The following ASTN2 variants were observed in gnomAD, a reference collection of about 807,000 sequenced individuals.
ASTN2 encodes astrotactin-2.
A neutral mutation model predicts 139.8 loss-of-function variants in ASTN2; 54 were observed. The ratio of observed to expected loss-of-function variants is 0.39; its 90% CI spans 0.31 to 0.48. ASTN2 has a LOEUF of 0.48. Ranked by LOEUF, ASTN2 falls within the 20% of genes least tolerant of loss-of-function variation. ASTN2 has a pLI of 0.95. For synonymous variants in ASTN2, 756 were observed against 719.5 expected (o/e 1.05, Z -0.81); for missense variants, 1,565 against 1,725.1 (o/e 0.91, Z 1.64).
chr9:117,094,852 C>T (rs1428978584), intron 5 of ASTN2, among the ~76,000 whole-genome samples: 1 of 152,182 alleles, frequency 6.6e-6, no homozygotes, highest in Admixed American at 6.5e-5. Flanking sequence ...TCCACAACCC[C>T]ATGAGGCAGT....
intron 2 of ASTN2, among the ~76,000 whole-genome samples, chr9:117,223,691 C>A (rs1832605341): frequency 1.3e-5 from 2 of 152,046 alleles, no homozygotes; most frequent in South Asian, 4.2e-4. Context: ...GAAAAAGGCA[C>A]AACAAATAAG....
chr9:116,548,050 G>A (rs1852177733), intron 19 of ASTN2, among the ~76,000 whole-genome samples: 1 of 152,116 alleles, frequency 6.6e-6, no homozygotes, highest in South Asian at 2.1e-4. Context: ...GCGTCCTCAG[G>A]TGCTCTCCTC....
At chr9:116,734,721 TATCTCA>T (rs1476636725) in intron 13 of ASTN2, among the ~76,000 whole-genome samples, 5 of 152,206 alleles carry the variant, frequency 3.3e-5, no homozygotes, top group African/African-American at 1.2e-4. Context: ...TTGAAGCCTG[TATCTCA>T]GACAGTTCAA....
chr9:117,010,772 T>C (rs1837505926), intron 6 of ASTN2, among the ~76,000 whole-genome samples: 1 of 152,170 alleles, frequency 6.6e-6, no homozygotes. Context: ...GAGGTCAAAC[T>C]GACATACAGC....
At chr9:116,602,364 T>G (rs761574822) in intron 19 of ASTN2, among the ~76,000 whole-genome samples, 1 of 152,160 alleles carries the variant, frequency 6.6e-6, no homozygotes, top group Non-Finnish European at 1.5e-5. Context: ...TATAAGCATA[T>G]AAATGATGTA....
rs991275194 is a variant in ASTN2, at chr9:116,754,615, G to A, written c.2397-21092C>T. Among the ~76,000 whole-genome samples the A allele has an allele frequency of 5.3e-5, 8 of 152,276 alleles. No individual in the cohort carries two copies. The South Asian group carries it at 6.2e-4, about 12-fold the overall frequency. On this transcript the variant is annotated intron_variant, in intron 13 of 22. Coordinates refer to ENST00000313400, the MANE Select transcript of ASTN2 (RefSeq NM_001365068.1). ...CCTTGGGTATTACACTGGCAGAGTT[G>A]AGTAGTTGTGGGAGAGCCCACGTGT...
chr9:116,686,991 G>C, intron 16 of ASTN2: 1 of 1,426,538 alleles, frequency 7.0e-7, no homozygotes, highest in Admixed American at 2.7e-5. Context: ...GACTACCCTG[G>C]AGGCTACCGT....
At chr9:117,037,181 C>A (rs1838408494) in intron 6 of ASTN2, among the ~76,000 whole-genome samples, 1 of 152,022 alleles carries the variant, frequency 6.6e-6, no homozygotes, top group Non-Finnish European at 1.5e-5. Flanking sequence ...AGATTCCAGT[C>A]TAGAGGCAGA....
chr9:116,694,081 C>T (rs1325099954), intron 16 of ASTN2, among the ~76,000 whole-genome samples: 1 of 152,134 alleles, frequency 6.6e-6, no homozygotes, highest in Non-Finnish European at 1.5e-5. Flanking sequence ...GGCAGGAATT[C>T]TTGACATCCT....
chr9:116,872,732 A>G (rs1833198441), intron 10 of ASTN2, among the ~76,000 whole-genome samples: 1 of 152,168 alleles, frequency 6.6e-6, no homozygotes, highest in Non-Finnish European at 1.5e-5. Flanking sequence ...GAAATTAGGT[A>G]AAGGGGGATA....
intron 19 of ASTN2, among the ~76,000 whole-genome samples, chr9:116,503,602 C>G (rs1849981658): frequency 6.6e-6 from 1 of 152,148 alleles, no homozygotes; most frequent in Admixed American, 6.6e-5. Flanking sequence ...TTACAAGCTT[C>G]TAATTCATAC....
At chr9:117,164,375 G>C (rs1316490085) in intron 3 of ASTN2, among the ~76,000 whole-genome samples, 1 of 152,080 alleles carries the variant, frequency 6.6e-6, no homozygotes, top group African/African-American at 2.4e-5. Context: ...TCATACTCCA[G>C]GGTATCACCT....
intron 4 of ASTN2, among the ~76,000 whole-genome samples, chr9:117,101,194 A>C (rs1180916191): frequency 6.6e-6 from 1 of 152,170 alleles, no homozygotes; most frequent in Non-Finnish European, 1.5e-5. Flanking sequence ...CTGCTGTGAC[A>C]TCCTGGGGAG....
chr9:116,619,738 C>T lies in ASTN2; in HGVS notation c.3206+572G>A, dbSNP rs150816168. The stretch of plus-strand genomic sequence containing the variant: ...GGAGAGACGAGGTCTCATTATGTTG[C>T]CCAAGCTGGTCTCAATTCCTGGCCT... On this transcript the variant is annotated intron_variant, in intron 18 of 22. Coordinates refer to ENST00000313400, the MANE Select transcript of ASTN2 (RefSeq NM_001365068.1). Among the ~76,000 whole-genome samples, 629 of 128,638 alleles carry T rather than the reference C, an allele frequency of 4.9e-3. 4 individuals carry two copies. The highest frequency in any genetic ancestry group is 0.018 in the African/African-American group (600 of 33,052). The allele number at this position is 128,638 out of a possible 152,430, so 84.4% of individuals were successfully genotyped here.
intron 16 of ASTN2, among the ~76,000 whole-genome samples, chr9:116,714,576 T>C (rs1024008515): frequency 1.3e-5 from 2 of 152,200 alleles, no homozygotes; most frequent in Non-Finnish European, 2.9e-5. Context: ...ATTATACCCA[T>C]GTTAAAGATA....
chr9:117,161,770 C>CA (rs1393255734), intron 3 of ASTN2, among the ~76,000 whole-genome samples: 3 of 151,868 alleles, frequency 2.0e-5, no homozygotes, highest in Non-Finnish European at 2.9e-5. Flanking sequence ...AAAATTCTGG[C>CA]AAGGGGAAAC....
chr9:116,860,082 A>G (rs560426259), intron 11 of ASTN2, among the ~76,000 whole-genome samples: 3 of 152,268 alleles, frequency 2.0e-5, no homozygotes, highest in African/African-American at 4.8e-5. Context: ...ACAAGGGCCA[A>G]GTGATGCAGC....
chr9:116,458,822 C>T (rs1335561044), intron 20 of ASTN2, among the ~76,000 whole-genome samples: 2 of 151,958 alleles, frequency 1.3e-5, no homozygotes, highest in Non-Finnish European at 2.9e-5. Flanking sequence ...CACTGTTAAA[C>T]TGGAAATATT....
intron 10 of ASTN2, among the ~76,000 whole-genome samples, chr9:116,901,323 G>C (rs1047613584): frequency 6.6e-6 from 1 of 152,022 alleles, no homozygotes; most frequent in Non-Finnish European, 1.5e-5. Flanking sequence ...ACCAGCCTGG[G>C]TAACATAGTA....
Sources: gnomAD v4.1 joint callset for allele counts (sites outside exome capture counted in the v4.1 genomes callset) on GRCh38, gnomAD v4.1.1 for gene constraint, MANE v1.5 for transcripts, NCBI Gene and HGNC (gene_info 2026-07-23, HGNC 2026-07-21) for gene names.